BNC2: variants seen among roughly 807,000 people sequenced by gnomAD.
BNC2 encodes zinc finger protein basonuclin-2.
Under a neutral mutation model 76.3 loss-of-function variants are expected in BNC2, and 20 were observed. The ratio of observed to expected loss-of-function variants is 0.26; its 90% CI spans 0.18 to 0.38. The LOEUF is 0.38. Ranked by LOEUF, BNC2 falls within the 10% of genes least tolerant of loss-of-function variation. BNC2 has a pLI of 1.00. For synonymous variants in BNC2, 582 were observed against 514.8 expected (o/e 1.13, Z -1.77); for missense variants, 1,382 against 1,399.8 (o/e 0.99, Z 0.20).
chr9:16,463,261 A>C (rs1181047712), intron 5 of BNC2, among the ~76,000 whole-genome samples: 1 of 151,170 alleles, frequency 6.6e-6, no homozygotes, highest in Non-Finnish European at 1.5e-5. Context: ...CTATGCTGAA[A>C]ATTTGCCACT....
intron 3 of BNC2, among the ~76,000 whole-genome samples, chr9:16,644,430 T>G (rs575860894): frequency 3.0e-4 from 46 of 152,156 alleles, no homozygotes; most frequent in African/African-American, 9.6e-4. Context: ...GCAACAAAAC[T>G]TAAAATTAAA....
intron 3 of BNC2, among the ~76,000 whole-genome samples, chr9:16,673,290 ATAGCTGGAAGACAGCAGG>A (rs1285355156): frequency 1.3e-5 from 2 of 152,210 alleles, no homozygotes; most frequent in Non-Finnish European, 2.9e-5. Flanking sequence ...ATAGCACAGT[ATAGCTGGAAGACAGCAGG>A]TAGCTCTTAT....
chr9:16,647,734 T>C (rs1707740155), intron 3 of BNC2, among the ~76,000 whole-genome samples: 1 of 152,112 alleles, frequency 6.6e-6, no homozygotes, highest in African/African-American at 2.4e-5. Flanking sequence ...TGTATTCCCA[T>C]CAATTTAGTA....
At chr9:16,688,533 T>C (rs543269693) in intron 3 of BNC2, among the ~76,000 whole-genome samples, 44 of 152,346 alleles carry the variant, frequency 2.9e-4, no homozygotes, top group Admixed American at 2.0e-3. Context: ...TGCTAACACC[T>C]AGTGCCTGTT....
chr9:16,669,536 AT>A (rs1457977383), intron 3 of BNC2, among the ~76,000 whole-genome samples: 1 of 152,214 alleles, frequency 6.6e-6, no homozygotes, highest in African/African-American at 2.4e-5. Context: ...TTGGTTGAGG[AT>A]CTTATAACAG....
chr9:16,505,251 T>C (rs537838881), intron 5 of BNC2, among the ~76,000 whole-genome samples: 1 of 152,204 alleles, frequency 6.6e-6, no homozygotes, highest in Non-Finnish European at 1.5e-5. Flanking sequence ...TCCCACACCA[T>C]GCCACTGCAA....
chr9:16,819,014 G>C (rs570176376), intron 1 of BNC2, among the ~76,000 whole-genome samples: 3 of 152,224 alleles, frequency 2.0e-5, no homozygotes, highest in East Asian at 3.9e-4. Flanking sequence ...ATCCCCATCA[G>C]AAAATCAAAC....
intron 1 of BNC2, among the ~76,000 whole-genome samples, chr9:16,824,981 G>C (rs1194360339): frequency 6.6e-6 from 1 of 151,982 alleles, no homozygotes; most frequent in Non-Finnish European, 1.5e-5. Flanking sequence ...CTGGTGTTAA[G>C]ATATAGCAGA....
At chr9:16,714,985 T>G (rs1218248718) in intron 3 of BNC2, among the ~76,000 whole-genome samples, 1 of 152,178 alleles carries the variant, frequency 6.6e-6, no homozygotes, top group African/African-American at 2.4e-5. Context: ...TGGCCTTGCA[T>G]GAATTAGTAG....
chr9:16,420,594 C>T (rs1441478099), intron 6 of BNC2, among the ~76,000 whole-genome samples: 1 of 150,620 alleles, frequency 6.6e-6, no homozygotes, highest in Non-Finnish European at 1.5e-5. Flanking sequence ...GGTTCCTTTA[C>T]TTTAACAACT....
intron 5 of BNC2, among the ~76,000 whole-genome samples, chr9:16,505,800 C>G (rs1049758484): frequency 6.6e-6 from 1 of 152,038 alleles, no homozygotes; most frequent in East Asian, 1.9e-4. Flanking sequence ...TGTTAGCATT[C>G]GTAATAATAT....
intron 5 of BNC2, among the ~76,000 whole-genome samples, chr9:16,507,159 A>G (rs941725589): frequency 1.3e-5 from 2 of 150,992 alleles, no homozygotes; most frequent in African/African-American, 4.9e-5. Context: ...TATTGTACAT[A>G]GTATTTTCTA....
intron 1 of BNC2, among the ~76,000 whole-genome samples, chr9:16,762,109 AC>A (rs1825568664): frequency 6.6e-6 from 1 of 152,146 alleles, no homozygotes; most frequent in African/African-American, 2.4e-5. Flanking sequence ...GATCAAAAGA[AC>A]CCATGCTCCA....
chr9:16,808,657 GT>G (rs1817972260), intron 1 of BNC2, among the ~76,000 whole-genome samples: 1 of 149,498 alleles, frequency 6.7e-6, no homozygotes, highest in African/African-American at 2.5e-5. Flanking sequence ...ACTGACCAAT[GT>G]TTTTTTGTAG....
At chr9:16,813,158 A>G (rs573153632) in intron 1 of BNC2, among the ~76,000 whole-genome samples, 5 of 152,110 alleles carry the variant, frequency 3.3e-5, no homozygotes, top group Non-Finnish European at 7.4e-5. Flanking sequence ...AGATGGCGCC[A>G]CTGCACTCCA....
At chr9:16,648,669 T>G (rs1821706225) in intron 3 of BNC2, among the ~76,000 whole-genome samples, 1 of 152,206 alleles carries the variant, frequency 6.6e-6, no homozygotes. Context: ...ATCAAATAAG[T>G]TATGGAAATT....
intron 1 of BNC2, among the ~76,000 whole-genome samples, chr9:16,763,702 G>A (rs1170250491): frequency 1.3e-5 from 2 of 152,298 alleles, no homozygotes; most frequent in East Asian, 3.9e-4. Flanking sequence ...CAGGCTAGTG[G>A]TGAGTGGCAG....
At chr9:16,652,042 T>C (rs903085653) in intron 3 of BNC2, among the ~76,000 whole-genome samples, 1 of 152,212 alleles carries the variant, frequency 6.6e-6, no homozygotes, top group Non-Finnish European at 1.5e-5. Flanking sequence ...AAGTGGAATA[T>C]CCTTTTGTAA....
At chr9:16,524,296 G>C (rs1418092697) in intron 5 of BNC2, among the ~76,000 whole-genome samples, 8 of 152,200 alleles carry the variant, frequency 5.3e-5, no homozygotes, top group Non-Finnish European at 1.2e-4. Flanking sequence ...TTTAACCTGA[G>C]AGTGAATGGG....
Sources: allele counts gnomAD v4.1 joint callset (sites outside exome capture counted in the v4.1 genomes callset), GRCh38; gene constraint gnomAD v4.1.1; transcripts MANE v1.5; gene names NCBI Gene and HGNC (gene_info 2026-07-23, HGNC 2026-07-21).